The following SP6 variants were observed in gnomAD, a reference collection of about 807,000 sequenced individuals.
SP6 encodes Sp6 transcription factor, also known as transcription factor Sp6.
Under a neutral mutation model 23.4 loss-of-function variants are expected in SP6, and 10 were observed. The ratio of observed to expected loss-of-function variants is 0.43; its 90% CI spans 0.26 to 0.72. SP6 has a LOEUF of 0.72. SP6 is among the 30% of genes least tolerant of loss of function. SP6 has a pLI of 0.23. For missense variants in SP6, 482 were observed against 523.8 expected, an observed-to-expected ratio of 0.92 and a Z score of 0.78; for synonymous variants, 238 against 238.7, an observed-to-expected ratio of 1.00 and a Z score of 0.03.
At chr17:47,854,140 T>C (rs2033981582), upstream of SP6, among the ~76,000 whole-genome samples, 1 of 152,206 alleles carries the variant, frequency 6.6e-6, no homozygotes, top group Admixed American at 6.5e-5. Flanking sequence ...AGATTTCCCC[T>C]GCAAGTGTCC....
At position 47,845,221 on chromosome 17, in the gene SP6, G is replaced by C. The variant is rs1364897118; in HGVS notation, c.*2078C>G. 1 of 152,188 alleles carries C rather than the reference G, an allele frequency of 6.6e-6. No homozygotes were observed. The highest frequency in any genetic ancestry group is 2.4e-5 in the African/African-American group (1 of 41,434). 9.4% of individuals were successfully genotyped at this position (152,188 alleles called of 1,614,324 possible). A position where few individuals can be genotyped will look rare whatever the true frequency, so the allele number is the denominator to read the frequency against. ...GGCCACTGGAAAAGGCTGTCTTGGT[G>C]GCACAGGGAAGGGGTGGCTGGTTTC... On this transcript the variant is annotated 3_prime_UTR_variant, in exon 2 of 2. Transcript: ENST00000536300.
chr17:47,873,789 TTTCTC>T, the SP6 span, among the ~76,000 whole-genome samples: 1 of 151,388 alleles, frequency 6.6e-6, no homozygotes, highest in Non-Finnish European at 1.5e-5. Flanking sequence ...CCCCTTTTCT[TTTCTC>T]TTTTCTTCTC....
At chr17:47,856,023 T>C (rs191467062), upstream of SP6, 8 of 152,314 alleles carry the variant, frequency 5.3e-5, no homozygotes, top group African/African-American at 1.9e-4. Flanking sequence ...GGTGGAGAGC[T>C]GGGATAGCTG....
At chr17:47,862,746 A>T in the SP6 span, among the ~76,000 whole-genome samples, 1 of 152,176 alleles carries the variant, frequency 6.6e-6, no homozygotes, top group Non-Finnish European at 1.5e-5. Context: ...GACAACTAGA[A>T]CCCAGCATGT....
At position 47,847,449 on chromosome 17, in the gene SP6, G is replaced by T; in HGVS notation, c.981C>A (p.Asp327Glu). 6.2e-7 allele frequency: 1 copy of T among 1,613,722 alleles called. No homozygotes were observed. The highest frequency in any genetic ancestry group is 8.5e-7 in the Non-Finnish European group (1 of 1,179,918). The stretch of plus-strand genomic sequence containing the variant: ...GGGTTTTCATGTGCTTGGCCAGGTG[G>T]TCGCTGCGCATGAAGACGCGGCTGC... Reference protein sequence around the residue: ...AVCSRVFMRSDHLAKHMKTHE... With the variant: ...AVCSRVFMRSEHLAKHMKTHE... The change falls in exon 2 of 2, where the codon GAC becomes GAA. Residue 327 changes from aspartate to glutamate, a missense_variant. Physicochemically the swap from Asp to Glu is conservative, Grantham distance 45 (BLOSUM62 2). Transcript: ENST00000536300.
chr17:47,872,374 CA>C, the SP6 span, among the ~76,000 whole-genome samples: 4 of 152,152 alleles, frequency 2.6e-5, no homozygotes, highest in Admixed American at 2.6e-4. Context: ...TGGGGGAAGC[CA>C]GCGAGGTTGT....
Position 47,847,030 on chromosome 17 carries a change from C to A in SP6, c.*269G>T. 1 of 474,872 alleles carries A rather than the reference C, an allele frequency of 2.1e-6. No homozygotes were observed. Among genetic ancestry groups the A allele is most frequent in the Admixed American group, 3.9e-5 (1 of 25,948 alleles). 29.4% of individuals were successfully genotyped at this position (474,872 alleles called of 1,614,324 possible). A position where few individuals can be genotyped will look rare whatever the true frequency, so the allele number is the denominator to read the frequency against. ...GGTACGGGTGTCCCACCCCAACCCCCCAGCCCAGGGGCGAGGGAAACTGTG... is the reference window on the plus strand; with the variant it reads ...GGTACGGGTGTCCCACCCCAACCCCACAGCCCAGGGGCGAGGGAAACTGTG... On this transcript the variant is annotated 3_prime_UTR_variant, in exon 2 of 2. Coordinates refer to ENST00000536300, the MANE Select transcript of SP6 (RefSeq NM_001258248.2).
chr17:47,859,760 C>T (rs1207688933), upstream of SP6, among the ~76,000 whole-genome samples: 1 of 152,198 alleles, frequency 6.6e-6, no homozygotes, highest in Non-Finnish European at 1.5e-5. Context: ...GAAGGACCCA[C>T]AGAGTATCTG....
the SP6 span, among the ~76,000 whole-genome samples, chr17:47,875,483 A>C: frequency 6.6e-6 from 1 of 152,132 alleles, no homozygotes; most frequent in Non-Finnish European, 1.5e-5. Context: ...CCAGGTCTCC[A>C]TCTTCACCTC....
the SP6 span, chr17:47,865,123 C>CA: frequency 6.6e-6 from 1 of 152,260 alleles, no homozygotes; most frequent in African/African-American, 2.4e-5. Context: ...CAAACGAATT[C>CA]GTTTCGCTCT....
upstream of SP6, among the ~76,000 whole-genome samples, chr17:47,851,884 C>A (rs1454779366): frequency 6.6e-6 from 1 of 151,834 alleles, no homozygotes; most frequent in African/African-American, 2.4e-5. Context: ...CCGGTCTCTG[C>A]TTCCCCCCTA....
upstream of SP6, among the ~76,000 whole-genome samples, chr17:47,860,719 A>AAAAT (rs71141936): frequency 0.038 from 5,661 of 148,820 alleles, 302 homozygotes; most frequent in African/African-American, 0.11. Flanking sequence ...AAAAAAAGTT[A>AAAAT]AAATAAATAA....
Position 47,847,452 on chromosome 17 carries a change from G to A in SP6, c.978C>T (p.Ser326=), listed in dbSNP as rs201548673. The change falls in exon 2 of 2, where the codon AGC becomes AGT. Residue 326 remains serine, a synonymous_variant. Coordinates refer to ENST00000536300, the MANE Select transcript of SP6 (RefSeq NM_001258248.2). The part of the protein sequence containing the change: ...CAVCSRVFMR[S]DHLAKHMKTH... ...TTTTCATGTGCTTGGCCAGGTGGTC[G>A]CTGCGCATGAAGACGCGGCTGCAGA... The A allele has an allele frequency of 6.2e-7, 1 of 1,613,724 alleles. No individual in the cohort carries two copies. The highest frequency in any genetic ancestry group is 2.2e-5 in the East Asian group (1 of 44,856).
chr17:47,854,677 T>C (rs1451506045), upstream of SP6, among the ~76,000 whole-genome samples: 1 of 152,202 alleles, frequency 6.6e-6, no homozygotes, highest in African/African-American at 2.4e-5. Flanking sequence ...CTTCCAAACT[T>C]CAACTGTCCT....
upstream of SP6, among the ~76,000 whole-genome samples, chr17:47,858,774 T>TTC: frequency 7.6e-6 from 1 of 131,934 alleles, no homozygotes; most frequent in Non-Finnish European, 1.6e-5. Context: ...CATCTTTTTT[T>TTC]TTTTTTTTTT....
chr17:47,865,988 C>T, the SP6 span, among the ~76,000 whole-genome samples: 4 of 152,172 alleles, frequency 2.6e-5, no homozygotes, highest in African/African-American at 9.7e-5. Flanking sequence ...CACTGATCAC[C>T]AGGCCAGGGC....
the SP6 span, among the ~76,000 whole-genome samples, chr17:47,876,105 G>A: frequency 6.6e-6 from 1 of 152,168 alleles, no homozygotes; most frequent in Non-Finnish European, 1.5e-5. Flanking sequence ...TGTGGGTCTG[G>A]CTGACATATT....
upstream of SP6, among the ~76,000 whole-genome samples, chr17:47,858,581 T>C (rs2034014015): frequency 6.6e-6 from 1 of 152,102 alleles, no homozygotes; most frequent in Non-Finnish European, 1.5e-5. Flanking sequence ...TTAGCAAGTA[T>C]CTTACAAATA....
Position 47,848,532 on chromosome 17 carries a change from A to G in SP6, c.-57-46T>C, listed in dbSNP as rs1180530923. On this transcript the variant is annotated intron_variant, in intron 1 of 1. Transcript: ENST00000536300. This position sits in a 1 kb window ranked among gnomAD's most constrained non-coding sequence, Gnocchi z 5.3. ...GAAAAGTAAGGGAAATAACCAGCTC[A>G]CTTTCCCTCCTAACCCAGGTCCTCC... is the stretch of plus-strand genomic sequence containing the variant. 2.1e-5 allele frequency: 24 copies of G among 1,126,168 alleles called. No individual in the cohort carries two copies. The highest frequency in any genetic ancestry group is 3.0e-5 in the Admixed American group (1 of 33,366). 69.8% of individuals were successfully genotyped at this position (1,126,168 alleles called of 1,614,324 possible). A position where few individuals can be genotyped will look rare whatever the true frequency, so the allele number is the denominator to read the frequency against.
Sources: allele counts gnomAD v4.1 joint callset (sites outside exome capture counted in the v4.1 genomes callset), GRCh38; gene constraint gnomAD v4.1.1; non-coding constraint Gnocchi (gnomAD v3.1); transcripts MANE v1.5; gene names NCBI Gene and HGNC (gene_info 2026-07-23, HGNC 2026-07-21).